RBPMS: variants seen among roughly 807,000 people sequenced by gnomAD.
The protein encoded by RBPMS is RNA-binding protein with multiple splicing.
In RBPMS, 7 loss-of-function variants were observed where a neutral mutation model predicts 26.8. The observed-to-expected ratio is 0.26, with a 90% CI of 0.15 to 0.49. The LOEUF is 0.49. Among genes scored for constraint, RBPMS ranks in the 20% least tolerant of loss-of-function variants. RBPMS has a pLI of 0.98. For missense variants in RBPMS, 186 were observed against 250.0 expected (o/e 0.74, Z 1.73); for synonymous variants, 96 against 93.3 (o/e 1.03, Z -0.17).
chr8:30,562,890 C>A (rs954765775), intron 7 of RBPMS, among the ~76,000 whole-genome samples: 10 of 152,192 alleles, frequency 6.6e-5, no homozygotes. Flanking sequence ...ACTTGGACTT[C>A]TTAGTGCTAA....
chr8:30,438,341 TC>T (rs1192477416), intron 1 of RBPMS, among the ~76,000 whole-genome samples: 8 of 152,180 alleles, frequency 5.3e-5, no homozygotes, highest in African/African-American at 1.9e-4. Flanking sequence ...CCTTCTGTCC[TC>T]CCTGTACAAT....
chr8:30,536,242 C>T (rs1169555708), intron 5 of RBPMS, among the ~76,000 whole-genome samples: 1 of 152,168 alleles, frequency 6.6e-6, no homozygotes, highest in Admixed American at 6.5e-5. Flanking sequence ...ATTCTCCTGC[C>T]TCAGCCTCCC....
intron 5 of RBPMS, among the ~76,000 whole-genome samples, chr8:30,504,752 C>A (rs183695626): frequency 6.6e-6 from 1 of 152,166 alleles, no homozygotes; most frequent in African/African-American, 2.4e-5. Context: ...TTCATTCCCC[C>A]CTGCTCGGAC....
intron 1 of RBPMS, 24 bp from the exon 2 acceptor site, chr8:30,474,755 C>A: frequency 6.8e-7 from 1 of 1,479,318 alleles, no homozygotes; most frequent in Non-Finnish European, 9.4e-7. Flanking sequence ...CACCCTTGAT[C>A]ACTTCCTAAA....
intron 1 of RBPMS, among the ~76,000 whole-genome samples, chr8:30,441,473 A>T (rs897336591): frequency 6.6e-6 from 1 of 152,226 alleles, no homozygotes; most frequent in African/African-American, 2.4e-5. Context: ...GGAAAGCATT[A>T]TTCATGTCAC....
At chr8:30,563,619 C>A (rs1415557858) in intron 7 of RBPMS, among the ~76,000 whole-genome samples, 1 of 152,164 alleles carries the variant, frequency 6.6e-6, no homozygotes, top group African/African-American at 2.4e-5. Context: ...GAAGGAAATG[C>A]AAGAGAGAAC....
rs543784174 is a variant in RBPMS, at chr8:30,566,196, C to T, written c.*8-61C>T. On this transcript the variant is annotated intron_variant, in intron 7 of 8. Coordinates refer to ENST00000397323, the MANE Select transcript of RBPMS (RefSeq NM_001008710.3). ...CTCAGAACAGGCCGGTCTTCAAGAC[C>T]GAGGCAGCCCCAGGTGGAGGTTACT... 503 of 942,010 alleles carry T rather than the reference C, an allele frequency of 5.3e-4. 2 individuals carry two copies. In the African/African-American group the frequency reaches 8.5e-3, roughly 16 times the overall value. 58.4% of individuals were successfully genotyped at this position (942,010 alleles called of 1,614,324 possible).
chr8:30,418,291 A>C (rs1167764092), intron 1 of RBPMS, among the ~76,000 whole-genome samples: 1 of 152,138 alleles, frequency 6.6e-6, no homozygotes. Context: ...TATGTTGCTC[A>C]GGCTAGCTTC....
chr8:30,392,046 CAAG>C (rs1807848286), intron 1 of RBPMS, among the ~76,000 whole-genome samples: 1 of 151,832 alleles, frequency 6.6e-6, no homozygotes, highest in Non-Finnish European at 1.5e-5. Flanking sequence ...CTAGAGATGC[CAAG>C]ATCTGAGAGA....
rs1821602788 is a variant in RBPMS at position 30,511,476 on chromosome 8, A to ATAT, written c.397+7040_397+7041insTAT. Among the ~76,000 whole-genome samples, 12 of 5,082 alleles carry ATAT rather than the reference A, an allele frequency of 2.4e-3. 1 individual carries two copies. The highest frequency in any genetic ancestry group is 6.4e-3 in the African/African-American group (12 of 1,888). 3.3% of individuals were successfully genotyped at this position (5,082 alleles called of 152,430 possible). A position where few individuals can be genotyped will look rare whatever the true frequency, so the allele number is the denominator to read the frequency against. ...ATCTCTTTAAAACAAAAAAAGAAAAAAAAAAAAAAAATATATATATATATA... is the reference window on the plus strand; with the variant it reads ...ATCTCTTTAAAACAAAAAAAGAAAAATATAAAAAAAAAAATATATATATATATA... On this transcript the variant is annotated intron_variant, in intron 5 of 8. Coordinates refer to ENST00000397323, the MANE Select transcript of RBPMS (RefSeq NM_001008710.3).
At chr8:30,526,733 G>A (rs1320090828) in intron 5 of RBPMS, among the ~76,000 whole-genome samples, 2 of 152,194 alleles carry the variant, frequency 1.3e-5, no homozygotes, top group African/African-American at 4.8e-5. Flanking sequence ...AGCTAGGGGT[G>A]AGTTGATGGT....
intron 1 of RBPMS, among the ~76,000 whole-genome samples, chr8:30,410,762 A>G (rs1242440448): frequency 7.0e-6 from 1 of 143,092 alleles, no homozygotes; most frequent in Non-Finnish European, 1.5e-5. Context: ...TAGAGACAAG[A>G]TCTCACTGTG....
chr8:30,557,540 T>C (rs1827050457), intron 6 of RBPMS, among the ~76,000 whole-genome samples: 1 of 152,202 alleles, frequency 6.6e-6, no homozygotes, highest in African/African-American at 2.4e-5. Flanking sequence ...TTCAGAGCCC[T>C]GCGTTGTGCA....
chr8:30,470,667 C>G (rs1816991693), intron 1 of RBPMS, among the ~76,000 whole-genome samples: 1 of 152,098 alleles, frequency 6.6e-6, no homozygotes, highest in Admixed American at 6.6e-5. Context: ...ATGAGATATT[C>G]TGGTAGATTT....
intron 2 of RBPMS, 28 bp from the exon 3 acceptor site, chr8:30,477,771 G>T: frequency 6.4e-7 from 1 of 1,562,446 alleles, no homozygotes; most frequent in Non-Finnish European, 8.8e-7. Context: ...GTTACTTTTG[G>T]CTAAACTTGG....
chr8:30,544,841 A>G (rs1825739884), intron 6 of RBPMS: 2 of 1,527,704 alleles, frequency 1.3e-6, no homozygotes, highest in South Asian at 2.4e-5. Context: ...TTTGCCCCAA[A>G]TGACACCTCT....
intron 6 of RBPMS, among the ~76,000 whole-genome samples, chr8:30,546,957 T>G (rs1051051437): frequency 2.0e-5 from 3 of 152,290 alleles, no homozygotes; most frequent in Non-Finnish European, 4.4e-5. Flanking sequence ...AGGTGCTGGC[T>G]CACCACAGAC....
chr8:30,417,571 G>A (rs1240262315), intron 1 of RBPMS, among the ~76,000 whole-genome samples: 1 of 152,182 alleles, frequency 6.6e-6, no homozygotes, highest in Non-Finnish European at 1.5e-5. Context: ...AGTAAACAAT[G>A]CCATGTACAT....
At chr8:30,570,418 A>C (rs1416105002) in intron 8 of RBPMS, among the ~76,000 whole-genome samples, 1 of 152,230 alleles carries the variant, frequency 6.6e-6, no homozygotes, top group African/African-American at 2.4e-5. Flanking sequence ...CCTCTGGGCC[A>C]GGGTAGGGGT....
Sources: allele counts gnomAD v4.1 joint callset (sites outside exome capture counted in the v4.1 genomes callset), GRCh38; gene constraint gnomAD v4.1.1; transcripts MANE v1.5; gene names NCBI Gene and HGNC (gene_info 2026-07-23, HGNC 2026-07-21).